GTPBP3: variants seen among roughly 807,000 people sequenced by gnomAD.
The protein encoded by GTPBP3 is 5-taurinomethyluridine-[tRNA] synthase subunit GTPB3, mitochondrial.
GTPBP3 carries 35 observed loss-of-function variants against 42.0 expected under a neutral mutation model. The ratio of observed to expected loss-of-function variants is 0.83; its 90% CI spans 0.64 to 1.10. GTPBP3 has a LOEUF of 1.10. Among genes scored for constraint, GTPBP3 ranks in the 50% least tolerant of loss-of-function variants. The probability of loss-of-function intolerance (pLI) is 0.00; values close to 1 mark genes in which losing one functional copy is unlikely to be tolerated. For synonymous variants in GTPBP3, 332 were observed against 314.9 expected (o/e 1.05, Z -0.58); for missense variants, 691 against 685.2 (o/e 1.01, Z -0.09).
intron 7 of GTPBP3, 24 bp from the exon 8 acceptor site, chr19:17,341,020 G>C: frequency 6.2e-7 from 1 of 1,603,722 alleles, no homozygotes. Context: ...TGGGATCCCC[G>C]CTCAGTTGAC....
chr19:17,337,790 C>G, intron 1 of GTPBP3, 126 bp downstream of exon 1: 3 of 1,269,598 alleles, frequency 2.4e-6, no homozygotes, highest in Non-Finnish European at 3.2e-6. Flanking sequence ...GTGCCTCAAT[C>G]GTTCATGACC....
At chr19:17,337,407 A>G (rs890731823), upstream of GTPBP3, 13 of 1,096,586 alleles carry the variant, frequency 1.2e-5, no homozygotes, top group Non-Finnish European at 1.5e-5. Flanking sequence ...CTACCTCCAT[A>G]CCGCCTCCCG....
chr19:17,335,565 A>G (rs1038237538), upstream of GTPBP3, among the ~76,000 whole-genome samples: 3 of 152,178 alleles, frequency 2.0e-5, no homozygotes, highest in South Asian at 2.1e-4. Context: ...TGTCTCAAAT[A>G]CATATATATA....
chr19:17,337,896 C>A, intron 1 of GTPBP3, 112 bp from the exon 2 acceptor site: 5 of 1,413,852 alleles, frequency 3.5e-6, no homozygotes, highest in South Asian at 1.3e-5. Context: ...GTGCATCCCC[C>A]AGCCGCAGAA....
rs1168621063 is a variant in GTPBP3, at chr19:17,341,512, A to G, written c.1288A>G (p.Thr430Ala). ...CCCGTCCACAGATCCCCCGCTGCTGACCCGAGCAAGGCACCAGCACCACCT... is the reference window on the plus strand; with the variant it reads ...CCCGTCCACAGATCCCCCGCTGCTGGCCCGAGCAAGGCACCAGCACCACCT... Reference protein sequence around the residue: ...GDPSTDPPLLTRARHQHHLQG... With the variant: ...GDPSTDPPLLARARHQHHLQG... The change falls in exon 9 of 9, where the codon ACC becomes GCC. Residue 430 changes from threonine (T) to alanine (A), a missense_variant. Coordinates refer to ENST00000324894, the MANE Select transcript of GTPBP3 (RefSeq NM_032620.4). The G allele has an allele frequency of 6.2e-7, 1 of 1,612,918 alleles. No homozygotes were observed. The highest frequency in any genetic ancestry group is 1.3e-5 in the African/African-American group (1 of 74,886).
chr19:17,341,938 G>T lies in GTPBP3; in HGVS notation c.*235G>T, dbSNP rs2074437079. 4 of 426,900 alleles carry T rather than the reference G, an allele frequency of 9.4e-6. No individual in the cohort carries two copies. The highest frequency in any genetic ancestry group is 1.6e-5 in the Non-Finnish European group (4 of 243,208). 26.4% of individuals were successfully genotyped at this position (426,900 alleles called of 1,614,324 possible). A position where few individuals can be genotyped will look rare whatever the true frequency, so the allele number is the denominator to read the frequency against. ...CGACCCTTGATGCTGGGGCATCCGG[G>T]TTGGGATGGAGATAGGAGGATCTCA... On this transcript the variant is annotated 3_prime_UTR_variant, in exon 9 of 9. Transcript: ENST00000324894.
chr19:17,338,483 CCT>C (rs2074390865), intron 3 of GTPBP3, 32 bp downstream of exon 3: 1 of 1,613,226 alleles, frequency 6.2e-7, no homozygotes, highest in African/African-American at 1.3e-5. Context: ...GATGCTTGGT[CCT>C]CCCAATGGGC....
At chr19:17,340,711 G>T (rs1176521209) in intron 7 of GTPBP3, among the ~76,000 whole-genome samples, 1 of 76,374 alleles carries the variant, frequency 1.3e-5, no homozygotes, top group Non-Finnish European at 2.7e-5. Flanking sequence ...GCTCTGCCCC[G>T]CCCTCCTGTG....
At position 17,338,379 on chromosome 19, in the gene GTPBP3, A is replaced by T; in HGVS notation, c.316A>T (p.Thr106Ser). 4.3e-6 allele frequency: 7 copies of T among 1,614,024 alleles called. No homozygotes were observed. Among genetic ancestry groups the T allele is most frequent in the Non-Finnish European group, 5.9e-6 (7 of 1,179,988 alleles). The change falls in exon 3 of 9, where the codon ACC (threonine) becomes TCC (serine). Residue 106 changes from threonine (T) to serine (S), a missense_variant. Physicochemically the swap from Thr to Ser is moderately conservative, Grantham distance 58 (BLOSUM62 1). Coordinates refer to ENST00000324894, the MANE Select transcript of GTPBP3 (RefSeq NM_032620.4). The part of the protein sequence containing the change: ...VLWFPGPQSF[T>S]GEDCVEFHVH... Reference sequence around the variant, plus strand: ...TGTCACATTAGGTCCCCAGAGTTTCACCGGTGAGGACTGCGTGGAGTTCCA... The same window carrying T: ...TGTCACATTAGGTCCCCAGAGTTTCTCCGGTGAGGACTGCGTGGAGTTCCA...
chr19:17,335,412 A>G (rs1363554381), upstream of GTPBP3, among the ~76,000 whole-genome samples: 1 of 152,078 alleles, frequency 6.6e-6, no homozygotes, highest in Non-Finnish European at 1.5e-5. Context: ...TAAAAGAATA[A>G]ATGTTAGCTG....
At chr19:17,337,397 C>T, upstream of GTPBP3, 1 of 988,606 alleles carries the variant, frequency 1.0e-6, no homozygotes. Flanking sequence ...TTCGCTACAC[C>T]TACCTCCATA....
intron 7 of GTPBP3, 46 bp from the exon 8 acceptor site, chr19:17,340,998 A>G (rs750315195): frequency 6.3e-7 from 1 of 1,586,898 alleles, no homozygotes; most frequent in Admixed American, 1.7e-5. Flanking sequence ...CAGTGCCTTC[A>G]ATTGCTCAAC....
Position 17,341,644 on chromosome 19 carries a change from G to A in GTPBP3, c.1420G>A (p.Gly474Arg), listed in dbSNP as rs1215687080. 3.7e-6 allele frequency: 6 copies of A among 1,612,552 alleles called. No individual in the cohort carries two copies. In the African/African-American group the frequency reaches 4.0e-5, roughly 11 times the overall value. ...GGGTCACCTGACCCGGCTCACAGGT[G>A]GAGGGGGTACCGAGGAGATCCTGGA... ...ARGHLTRLTG[G>R]GGTEEILDII... Residue 474 changes from glycine (G) to arginine (R), a missense_variant, in exon 9 of 9, where the codon GGA becomes AGA. By Grantham distance (125) the Gly-to-Arg change is moderately radical. Coordinates refer to ENST00000324894, the MANE Select transcript of GTPBP3 (RefSeq NM_032620.4).
chr19:17,340,554 G>A (rs2074419265), intron 7 of GTPBP3, among the ~76,000 whole-genome samples: 1 of 149,376 alleles, frequency 6.7e-6, no homozygotes, highest in African/African-American at 2.5e-5. Context: ...ACCCTGTGGT[G>A]TGTCTGGTCC....
In GTPBP3 at chr19:17,338,989, C is replaced by T; in HGVS notation, c.627C>T (p.Gly209=). The part of the protein sequence containing the change: ...LAHVEAYIDF[G]EDDNLEEGVL... ...ACGTGGAGGCCTATATCGATTTCGG[C>T]GAGGATGACAACCTGGAGGAGGGGG... The change falls in exon 5 of 9, where the codon GGC becomes GGT. Residue 209 remains glycine (G), a synonymous_variant. Coordinates refer to ENST00000324894, the MANE Select transcript of GTPBP3 (RefSeq NM_032620.4). 6.2e-7 allele frequency: 1 copy of T among 1,612,620 alleles called. No homozygotes were observed. Among genetic ancestry groups the T allele is most frequent in the Non-Finnish European group, 8.5e-7 (1 of 1,179,048 alleles).
In GTPBP3 at chr19:17,339,580, G is replaced by A. The variant is rs1266706416; in HGVS notation, c.955G>A (p.Val319Met). Residue 319 changes from valine to methionine, a missense_variant, in exon 7 of 9, where the codon GTG (valine) becomes ATG (methionine). Coordinates refer to ENST00000324894, the MANE Select transcript of GTPBP3 (RefSeq NM_032620.4). The stretch of plus-strand genomic sequence containing the variant: ...CGTGGGGCCCGTGGAGCAGGAGGGC[G>A]TGCGGCGCGCCCGGGAGAGGTGGGC... ...EGVGPVEQEG[V>M]RRARERLEQA... 1.2e-6 allele frequency: 2 copies of A among 1,608,750 alleles called. No homozygotes were observed. Among genetic ancestry groups the A allele is most frequent in the East Asian group, 2.2e-5 (1 of 44,804 alleles).
rs1266706416 is a variant in GTPBP3, at chr19:17,339,580, G to T, written c.955G>T (p.Val319Leu). The T allele has an allele frequency of 6.2e-7, 1 of 1,608,868 alleles. No homozygotes were observed. Residue 319 changes from valine (V) to leucine (L), a missense_variant, in exon 7 of 9, where the codon GTG (valine) becomes TTG (leucine). Coordinates refer to ENST00000324894, the MANE Select transcript of GTPBP3 (RefSeq NM_032620.4). ...CGTGGGGCCCGTGGAGCAGGAGGGC[G>T]TGCGGCGCGCCCGGGAGAGGTGGGC... ...EGVGPVEQEG[V>L]RRARERLEQA...
At chr19:17,339,726 A>T in intron 7 of GTPBP3, 127 bp downstream of exon 7, 2 of 875,002 alleles carry the variant, frequency 2.3e-6, no homozygotes, top group Non-Finnish European at 3.3e-6. Flanking sequence ...CATGGATCTC[A>T]GGGATTTGGT....
Position 17,342,309 on chromosome 19 carries a change from C to T in GTPBP3, c.*606C>T, listed in dbSNP as rs568009611. On this transcript the variant is annotated 3_prime_UTR_variant, in exon 9 of 9. Coordinates refer to ENST00000324894, the MANE Select transcript of GTPBP3 (RefSeq NM_032620.4). ...TTGAGACAGAGTCTCGCTCTGTCAC[C>T]CAGGCTGGAGTTCAGTGGTGCGACC... 11 of 152,246 alleles carry T rather than the reference C, an allele frequency of 7.2e-5. No homozygotes were observed. The highest frequency in any genetic ancestry group is 2.6e-4 in the African/African-American group (11 of 41,538). The allele number at this position is 152,246 out of a possible 1,614,324, so 9.4% of individuals were successfully genotyped here.
Sources: allele counts gnomAD v4.1 joint callset (sites outside exome capture counted in the v4.1 genomes callset), GRCh38; gene constraint gnomAD v4.1.1; transcripts MANE v1.5; gene names NCBI Gene and HGNC (gene_info 2026-07-23, HGNC 2026-07-21).